The following CPAP variants were observed in gnomAD, a reference collection of about 807,000 sequenced individuals.
The protein encoded by CPAP is centrosomal P4.1-associated protein.
At chr13:24,897,942 C>A in the CPAP span, among the ~76,000 whole-genome samples, 1 of 152,222 alleles carries the variant, frequency 6.6e-6, no homozygotes, top group Non-Finnish European at 1.5e-5. Context: ...GTCACCCAGG[C>A]TGGAGTGCAG....
the CPAP span, among the ~76,000 whole-genome samples, chr13:24,889,790 G>A: frequency 1.3e-5 from 2 of 151,916 alleles, no homozygotes; most frequent in Admixed American, 6.5e-5. Flanking sequence ...AGTTCTCCGA[G>A]ACCACCACTG....
the CPAP span, among the ~76,000 whole-genome samples, chr13:24,908,435 C>CGA: frequency 2.5e-5 from 2 of 80,904 alleles, no homozygotes; most frequent in Admixed American, 3.3e-4. Context: ...CCCGTCTCTA[C>CGA]AAAAAAAAAA....
the CPAP span, chr13:24,909,670 C>T: frequency 1.1e-6 from 1 of 928,400 alleles, no homozygotes; most frequent in East Asian, 2.7e-5. Flanking sequence ...CCAGCCTGAG[C>T]AACACGGCAA....
the CPAP span, chr13:24,909,998 T>C: frequency 6.2e-7 from 1 of 1,614,160 alleles, no homozygotes; most frequent in Non-Finnish European, 8.5e-7. Context: ...AGACATATGA[T>C]GGGAAGCAGC....
the CPAP span, among the ~76,000 whole-genome samples, chr13:24,904,799 A>G: frequency 6.6e-6 from 1 of 152,196 alleles, no homozygotes; most frequent in African/African-American, 2.4e-5. Context: ...TAAAGCACCT[A>G]TGCTCTGCTA....
chr13:24,908,370 G>A, the CPAP span, among the ~76,000 whole-genome samples: 78,199 of 147,576 alleles, frequency 0.53, 21,011 homozygotes, highest in East Asian at 0.72. Context: ...AGGCCAAGGC[G>A]GGAGAATCAC....
the CPAP span, among the ~76,000 whole-genome samples, chr13:24,933,711 T>C: frequency 6.6e-6 from 1 of 152,108 alleles, no homozygotes. Context: ...TTGGAAACAG[T>C]TAAGTCTAAC....
the CPAP span, chr13:24,933,037 T>C: frequency 3.1e-6 from 5 of 1,590,354 alleles, no homozygotes; most frequent in Admixed American, 8.3e-5. Context: ...TTGTATCTTC[T>C]GTTTGAAAGT....
chr13:24,894,298 T>C, the CPAP span, among the ~76,000 whole-genome samples: 7 of 152,264 alleles, frequency 4.6e-5, no homozygotes, highest in African/African-American at 1.7e-4. Context: ...CGCCAGCAAG[T>C]CATTAACCCA....
the CPAP span, among the ~76,000 whole-genome samples, chr13:24,900,679 C>G: frequency 0.12 from 18,331 of 152,094 alleles, 1,208 homozygotes; most frequent in Non-Finnish European, 0.15. Context: ...TCAGATGAAC[C>G]GTCCAAACGC....
the CPAP span, chr13:24,899,367 A>G: frequency 2.1e-6 from 3 of 1,425,034 alleles, no homozygotes; most frequent in Non-Finnish European, 3.0e-6. Flanking sequence ...GATGCTTACA[A>G]GATTGTCACC....
At chr13:24,884,373 C>T in the CPAP span, 1 of 1,614,136 alleles carries the variant, frequency 6.2e-7, no homozygotes, top group Non-Finnish European at 8.5e-7. Flanking sequence ...AAGAAAGTGA[C>T]AGTGATGGTC....
the CPAP span, among the ~76,000 whole-genome samples, chr13:24,933,810 C>T: frequency 9.9e-5 from 15 of 152,020 alleles, no homozygotes; most frequent in East Asian, 7.8e-4. Context: ...CTGCAACTTC[C>T]GCCTCCTGAG....
At chr13:24,912,529 T>C in the CPAP span, 14 of 1,455,252 alleles carry the variant, frequency 9.6e-6, no homozygotes, top group Non-Finnish European at 1.2e-5. Flanking sequence ...CTTTATTACA[T>C]AAACAGAAAC....
chr13:24,925,459 C>T, the CPAP span, among the ~76,000 whole-genome samples: 4 of 152,218 alleles, frequency 2.6e-5, no homozygotes, highest in Admixed American at 6.5e-5. Flanking sequence ...GACGTTTGAA[C>T]GTTAGCCAGG....
chr13:24,923,197 GC>G, the CPAP span, among the ~76,000 whole-genome samples: 1 of 151,950 alleles, frequency 6.6e-6, no homozygotes, highest in African/African-American at 2.4e-5. Flanking sequence ...GAGAGTCAAA[GC>G]TAACATAGAG....
At chr13:24,924,084 C>T in the CPAP span, among the ~76,000 whole-genome samples, 23 of 152,142 alleles carry the variant, frequency 1.5e-4, no homozygotes, top group Non-Finnish European at 4.4e-5. Context: ...CCGCCCGCCT[C>T]GGCCTCCCAA....
chr13:24,891,233 C>T, the CPAP span, among the ~76,000 whole-genome samples: 43 of 152,118 alleles, frequency 2.8e-4, no homozygotes, highest in African/African-American at 9.6e-4. Flanking sequence ...GGACACCACA[C>T]GGACTCCTGG....
the CPAP span, among the ~76,000 whole-genome samples, chr13:24,925,379 A>T: frequency 2.0e-5 from 3 of 152,202 alleles, no homozygotes; most frequent in Non-Finnish European, 2.9e-5. Flanking sequence ...CAGAGAGGAC[A>T]TGTCAGGTGC....
Sources: allele counts gnomAD v4.1 joint callset (sites outside exome capture counted in the v4.1 genomes callset), GRCh38; gene constraint gnomAD v4.1.1; transcripts MANE v1.5; gene names NCBI Gene and HGNC (gene_info 2026-07-23, HGNC 2026-07-21).